REC114: variants seen among roughly 807,000 people sequenced by gnomAD.
The protein encoded by REC114 is REC114 meiotic recombination protein.
Under a neutral mutation model 31.3 loss-of-function variants are expected in REC114, and 27 were observed. The ratio of observed to expected loss-of-function variants is 0.86; its 90% CI spans 0.64 to 1.19. The LOEUF (loss-of-function observed/expected upper bound fraction) is 1.19. REC114 is among the 50% of genes most tolerant of loss of function. The pLI is 0.00. For synonymous variants in REC114, 134 were observed against 127.7 expected (o/e 1.05, Z -0.33); for missense variants, 344 against 326.9 (o/e 1.05, Z -0.40).
intron 2 of REC114, among the ~76,000 whole-genome samples, chr15:73,498,162 T>G (rs1204039813): frequency 6.6e-6 from 1 of 152,118 alleles, no homozygotes; most frequent in Non-Finnish European, 1.5e-5. Context: ...TACTCTTGTT[T>G]TTTTTTTTCC....
At chr15:73,479,402 A>T (rs527813921) in intron 2 of REC114, among the ~76,000 whole-genome samples, 1 of 151,926 alleles carries the variant, frequency 6.6e-6, no homozygotes, top group South Asian at 2.1e-4. Context: ...ACGAATTAAC[A>T]TATCGTTACC....
At chr15:73,463,799 TG>T (rs1321546140) in intron 1 of REC114, among the ~76,000 whole-genome samples, 1 of 150,876 alleles carries the variant, frequency 6.6e-6, no homozygotes, top group Non-Finnish European at 1.5e-5. Flanking sequence ...CCAGCCTGGG[TG>T]ACAGGAAAAG....
At chr15:73,465,112 A>AAACTCCTG (rs1893039684) in intron 1 of REC114, among the ~76,000 whole-genome samples, 1 of 152,112 alleles carries the variant, frequency 6.6e-6, no homozygotes, top group Non-Finnish European at 1.5e-5. Context: ...GACTGGTTTC[A>AAACTCCTG]AACTCCTGAC....
intron 2 of REC114, among the ~76,000 whole-genome samples, chr15:73,538,113 A>G (rs754508078): frequency 6.6e-6 from 1 of 152,204 alleles, no homozygotes; most frequent in Non-Finnish European, 1.5e-5. Flanking sequence ...AATTTAATTT[A>G]AATTTAGATT....
At chr15:73,540,938 T>A (rs894830321) in intron 3 of REC114, among the ~76,000 whole-genome samples, 1 of 152,242 alleles carries the variant, frequency 6.6e-6, no homozygotes, top group African/African-American at 2.4e-5. Flanking sequence ...TTTTTCTTTT[T>A]AATATTAAAA....
chr15:73,559,985 AGAT>A lies in REC114; in HGVS notation c.*70_*72del, dbSNP rs1276502396. On this transcript the variant is annotated 3_prime_UTR_variant, in exon 6 of 6. Coordinates refer to ENST00000331090, the MANE Select transcript of REC114 (RefSeq NM_001042367.2). ...AAATGCTTCCTCCTAAAATTAAAGA[AGAT>A]ATTAGAATAAAGAGTATTATCCAAA... 5 of 1,383,918 alleles carry A rather than the reference AGAT, an allele frequency of 3.6e-6. No individual in the cohort carries two copies. Among genetic ancestry groups the A allele is most frequent in the African/African-American group, 1.5e-5 (1 of 66,536 alleles). 85.7% of individuals were successfully genotyped at this position (1,383,918 alleles called of 1,614,324 possible).
At chr15:73,480,258 T>TTTTTATTTGCTAA (rs1326076894) in intron 2 of REC114, among the ~76,000 whole-genome samples, 1 of 151,998 alleles carries the variant, frequency 6.6e-6, no homozygotes, top group Non-Finnish European at 1.5e-5. Flanking sequence ...TATTCAGGTC[T>TTTTTATTTGCTAA]TTTGCTAATT....
At chr15:73,493,195 T>A (rs1414213076) in intron 2 of REC114, among the ~76,000 whole-genome samples, 1 of 152,094 alleles carries the variant, frequency 6.6e-6, no homozygotes, top group Non-Finnish European at 1.5e-5. Context: ...ATATTTCTAA[T>A]TTTTAGTAGA....
chr15:73,554,522 T>G (rs932249937), intron 4 of REC114, among the ~76,000 whole-genome samples: 15 of 152,368 alleles, frequency 9.8e-5, no homozygotes, highest in African/African-American at 3.4e-4. Context: ...TTTTTGCTTT[T>G]CCTCAGCCTT....
rs57210193 is a variant in REC114, at chr15:73,478,263, C to CAAAAA, written c.249+4362_249+4366dup. ...TCAGTGACAGAGTGAGACTCTGTCT[C>CAAAAA]AAAAAAAAAAAAAAAAAAAAAAAAG... On this transcript the variant is annotated intron_variant, in intron 2 of 5. Transcript: ENST00000331090. Among the ~76,000 whole-genome samples the CAAAAA allele has an allele frequency of 8.6e-3, 347 of 40,322 alleles. 10 individuals are homozygous for CAAAAA. The highest frequency in any genetic ancestry group is 0.012 in the African/African-American group (143 of 11,988). The allele number at this position is 40,322 out of a possible 152,430, so 26.5% of individuals were successfully genotyped here.
chr15:73,539,351 C>T (rs538251564), intron 2 of REC114, among the ~76,000 whole-genome samples: 9 of 122,516 alleles, frequency 7.3e-5, no homozygotes, highest in Admixed American at 2.1e-4. Context: ...AGTGCAGTGG[C>T]GCAATCTCGG....
At chr15:73,459,053 A>T (rs987239331) in intron 1 of REC114, among the ~76,000 whole-genome samples, 5 of 152,204 alleles carry the variant, frequency 3.3e-5, no homozygotes, top group Non-Finnish European at 7.3e-5. Flanking sequence ...GTATGTTAAT[A>T]CCTAGAACAC....
chr15:73,449,142 T>G (rs111546859), intron 1 of REC114, among the ~76,000 whole-genome samples: 14 of 152,146 alleles, frequency 9.2e-5, no homozygotes, highest in African/African-American at 3.4e-4. Flanking sequence ...GGATGGACAA[T>G]GAGTTTGATG....
At chr15:73,450,336 A>T (rs1483556415) in intron 1 of REC114, among the ~76,000 whole-genome samples, 4 of 152,218 alleles carry the variant, frequency 2.6e-5, no homozygotes, top group South Asian at 2.1e-4. Context: ...AGGAGTTGCA[A>T]TCCTAGTTTC....
chr15:73,531,863 C>G (rs983089941), intron 2 of REC114, among the ~76,000 whole-genome samples: 2 of 152,150 alleles, frequency 1.3e-5, no homozygotes, highest in Non-Finnish European at 2.9e-5. Flanking sequence ...ACAAGTTTCT[C>G]TGCTGGAAAC....
At chr15:73,525,649 G>A (rs1209156873) in intron 2 of REC114, among the ~76,000 whole-genome samples, 1 of 151,510 alleles carries the variant, frequency 6.6e-6, no homozygotes, top group Non-Finnish European at 1.5e-5. Flanking sequence ...TTATCTTTAT[G>A]TAATTTTTTT....
intron 2 of REC114, among the ~76,000 whole-genome samples, chr15:73,527,440 A>G (rs1163734834): frequency 6.6e-6 from 1 of 151,958 alleles, no homozygotes; most frequent in African/African-American, 2.4e-5. Context: ...TTTCTTCTCA[A>G]CTCACTGGGA....
rs1893459406 is a variant in REC114 at position 73,492,430 on chromosome 15, A to G, written c.249+18509A>G. 2.0e-5 allele frequency among the ~76,000 whole-genome samples: 3 copies of G among 152,308 alleles called. No individual in the cohort carries two copies. The South Asian group carries it at 6.2e-4, about 32-fold the overall frequency. On this transcript the variant is annotated intron_variant, in intron 2 of 5. Transcript: ENST00000331090. ...AATCTCAAATTTTTAGCTACCACAA[A>G]TAGTGCTTCTGTGAACACTCTTGTA...
At chr15:73,460,262 C>A (rs1892972506) in intron 1 of REC114, among the ~76,000 whole-genome samples, 1 of 152,014 alleles carries the variant, frequency 6.6e-6, no homozygotes, top group Non-Finnish European at 1.5e-5. Context: ...AAGTTTTTTT[C>A]AGCTTAGTGG....
Sources: allele counts gnomAD v4.1 joint callset (sites outside exome capture counted in the v4.1 genomes callset), GRCh38; gene constraint gnomAD v4.1.1; transcripts MANE v1.5; gene names NCBI Gene and HGNC (gene_info 2026-07-23, HGNC 2026-07-21).